SLC15A1: variants seen among roughly 807,000 people sequenced by gnomAD.
The protein encoded by SLC15A1 is solute carrier family 15 member 1, also known as Caco-2 oligopeptide transporter.
A neutral mutation model predicts 92.9 loss-of-function variants in SLC15A1; 83 were observed. The observed-to-expected ratio is 0.89, with a 90% CI of 0.75 to 1.07. The LOEUF (loss-of-function observed/expected upper bound fraction) is 1.07, where lower values mean the gene tolerates loss of function less well. SLC15A1 is among the 50% of genes least tolerant of loss of function. SLC15A1 has a pLI of 0.00. For synonymous variants in SLC15A1, 322 were observed against 318.2 expected (o/e 1.01, Z -0.13); for missense variants, 857 against 880.1 (o/e 0.97, Z 0.33).
intron 1 of SLC15A1, among the ~76,000 whole-genome samples, chr13:98,744,560 C>T (rs73553205): frequency 0.015 from 2,304 of 151,288 alleles, 24 homozygotes; most frequent in Middle Eastern, 0.045. Context: ...ATCAGCCTGG[C>T]CAAGGTAGCA....
In SLC15A1 at chr13:98,695,020, C is replaced by CAAAAAA. The variant is rs1170231960; in HGVS notation, c.1467-6449_1467-6444dup. Among the ~76,000 whole-genome samples the CAAAAAA allele has an allele frequency of 1.1e-4, 8 of 73,650 alleles. 1 individual carries two copies. Among genetic ancestry groups the CAAAAAA allele is most frequent in the Admixed American group, 3.8e-4 (2 of 5,240 alleles). The allele number at this position is 73,650 out of a possible 152,430, so 48.3% of individuals were successfully genotyped here. On this transcript the variant is annotated intron_variant, in intron 18 of 22. Coordinates refer to ENST00000376503, the MANE Select transcript of SLC15A1 (RefSeq NM_005073.4). ...GGGGTGACAGAGTGAGACTCCGTCT[C>CAAAAAA]AAAAAAAAAAAAAAAAAAAAAGAGA...
chr13:98,732,530 C>A (rs1457997719), intron 1 of SLC15A1, among the ~76,000 whole-genome samples: 3 of 152,276 alleles, frequency 2.0e-5, no homozygotes, highest in East Asian at 1.9e-4. Flanking sequence ...ATAAAATCTC[C>A]CATCCATATG....
chr13:98,706,928 C>G (rs1212337279), intron 15 of SLC15A1, among the ~76,000 whole-genome samples: 1 of 151,896 alleles, frequency 6.6e-6, no homozygotes, highest in Non-Finnish European at 1.5e-5. Context: ...AAACAAATAT[C>G]CTTCTTGTCA....
chr13:98,714,350 C>G (rs534673967), intron 9 of SLC15A1, among the ~76,000 whole-genome samples: 11 of 152,140 alleles, frequency 7.2e-5, no homozygotes, highest in African/African-American at 2.6e-4. Context: ...AAGTGAAATA[C>G]AACACAATAC....
chr13:98,732,126 A>T (rs1391490552), intron 1 of SLC15A1, among the ~76,000 whole-genome samples: 1 of 152,216 alleles, frequency 6.6e-6, no homozygotes, highest in Non-Finnish European at 1.5e-5. Flanking sequence ...CTTCAGACCG[A>T]ACTCAAGTAT....
intron 15 of SLC15A1, among the ~76,000 whole-genome samples, 162 bp downstream of exon 15, chr13:98,708,524 C>T (rs929164388): frequency 6.6e-6 from 1 of 152,054 alleles, no homozygotes; most frequent in African/African-American, 2.4e-5. Context: ...CCCACTGTAC[C>T]CTCACACCCA....
intron 1 of SLC15A1, among the ~76,000 whole-genome samples, chr13:98,746,773 A>G (rs2088496417): frequency 6.6e-6 from 1 of 152,096 alleles, no homozygotes; most frequent in African/African-American, 2.4e-5. Flanking sequence ...CCCACATCAT[A>G]CCTGGAGGAC....
intron 1 of SLC15A1, among the ~76,000 whole-genome samples, chr13:98,750,712 T>A (rs2088537955): frequency 1.3e-5 from 2 of 151,954 alleles, no homozygotes; most frequent in Middle Eastern, 3.5e-3. Flanking sequence ...CACTGAGGGA[T>A]CTGAAGCAAT....
At chr13:98,721,042 A>G (rs1788890109) in intron 7 of SLC15A1, 2 of 439,736 alleles carry the variant, frequency 4.5e-6, no homozygotes, top group African/African-American at 4.0e-5. Context: ...ACAGAGCAAG[A>G]CTCCTTCTAA....
chr13:98,703,156 G>T (rs2088082885), intron 17 of SLC15A1, among the ~76,000 whole-genome samples: 1 of 138,392 alleles, frequency 7.2e-6, no homozygotes, highest in Non-Finnish European at 1.6e-5. Context: ...AAGAATGGAT[G>T]GACGGACAGA....
At chr13:98,740,625 G>A (rs2088436352) in intron 1 of SLC15A1, among the ~76,000 whole-genome samples, 1 of 152,206 alleles carries the variant, frequency 6.6e-6, no homozygotes, top group South Asian at 2.1e-4. Flanking sequence ...CCCTGGCAGA[G>A]CAAGGGGTTG....
chr13:98,695,538 A>T (rs2088015142), intron 18 of SLC15A1, among the ~76,000 whole-genome samples: 1 of 152,096 alleles, frequency 6.6e-6, no homozygotes. Flanking sequence ...GATTACAGGC[A>T]CACACCATGC....
rs770538977 is a variant in SLC15A1 at position 98,688,524 on chromosome 13, T to A, written c.1520A>T (p.Tyr507Phe). The A allele has an allele frequency of 2.5e-6, 4 of 1,614,122 alleles. No individual in the cohort carries two copies. Among genetic ancestry groups the A allele is most frequent in the East Asian group, 2.2e-5 (1 of 44,854 alleles). The change falls in exon 19 of 23, where the codon TAT (tyrosine) becomes TTT (phenylalanine). Residue 507 changes from tyrosine (Y) to phenylalanine (F), a missense_variant. Physicochemically the swap from Tyr to Phe is conservative, Grantham distance 22. Coordinates refer to ENST00000376503, the MANE Select transcript of SLC15A1 (RefSeq NM_005073.4). ...LITITMSGKV[Y>F]ANISSYNAST... ...GGCATTGTAGCTGCTGATGTTTGCATAAACTTTCCCACTCATTGTGATGGT... is the reference window on the plus strand; with the variant it reads ...GGCATTGTAGCTGCTGATGTTTGCAAAAACTTTCCCACTCATTGTGATGGT...
In SLC15A1 at chr13:98,686,209, G is replaced by A. The variant is rs2087927694; in HGVS notation, c.1916C>T (p.Ala639Val). 6.2e-7 allele frequency: 1 copy of A among 1,613,388 alleles called. No individual in the cohort carries two copies. The highest frequency in any genetic ancestry group is 8.5e-7 in the Non-Finnish European group (1 of 1,179,656). ...CCATACCTGTTTGCTGAACTGGCCT[G>A]CCCCTGCCACGATGAGCACAATGAT... ...GNIIVLIVAGAGQFSKQWAEY... is the reference protein window; with the variant it reads ...GNIIVLIVAGVGQFSKQWAEY... Residue 639 changes from alanine to valine, a missense_variant, in exon 22 of 23, where the codon GCA becomes GTA. Coordinates refer to ENST00000376503, the MANE Select transcript of SLC15A1 (RefSeq NM_005073.4).
At chr13:98,714,224 T>A (rs1426302385) in intron 9 of SLC15A1, among the ~76,000 whole-genome samples, 3 of 152,010 alleles carry the variant, frequency 2.0e-5, no homozygotes, top group Admixed American at 2.0e-4. Context: ...ATTGGTAAGG[T>A]CCCCTCTTTG....
At chr13:98,714,427 C>T (rs556573198) in intron 9 of SLC15A1, among the ~76,000 whole-genome samples, 28 of 152,072 alleles carry the variant, frequency 1.8e-4, no homozygotes, top group Admixed American at 1.6e-3. Flanking sequence ...GAGGCTGAGG[C>T]GGGCGGATCA....
chr13:98,726,026 T>C, intron 4 of SLC15A1, 97 bp downstream of exon 4: 2 of 1,463,828 alleles, frequency 1.4e-6, no homozygotes. Flanking sequence ...GAGTTTCTGT[T>C]CTTTGATTCA....
chr13:98,689,635 G>A (rs1446661673), intron 18 of SLC15A1, among the ~76,000 whole-genome samples: 1 of 151,774 alleles, frequency 6.6e-6, no homozygotes, highest in African/African-American at 2.4e-5. Context: ...TTTTTGTAGA[G>A]ACAAGGGTCT....
At chr13:98,720,443 G>A (rs1593997004) in intron 7 of SLC15A1, 4 of 152,074 alleles carry the variant, frequency 2.6e-5, no homozygotes, top group Admixed American at 2.6e-4. Flanking sequence ...AAAACAAGTT[G>A]GAAAAAAACA....
Sources: gnomAD v4.1 joint callset for allele counts (sites outside exome capture counted in the v4.1 genomes callset) on GRCh38, gnomAD v4.1.1 for gene constraint, MANE v1.5 for transcripts, NCBI Gene and HGNC (gene_info 2026-07-23, HGNC 2026-07-21) for gene names.